Variants in KIR3DL3 observed in about 807,000 individuals in gnomAD.
KIR3DL3 encodes the protein killer cell immunoglobulin like receptor, three Ig domains and long cytoplasmic tail 3.
Under a neutral mutation model 34.9 loss-of-function variants are expected in KIR3DL3, and 27 were observed. The observed-to-expected ratio is 0.77, with a 90% CI of 0.57 to 1.07. The LOEUF is 1.07. KIR3DL3 is among the 50% of genes least tolerant of loss of function. The pLI, the probability that KIR3DL3 is intolerant of heterozygous loss-of-function variation, is 0.00. For synonymous variants in KIR3DL3, 217 were observed against 200.2 expected (o/e 1.08, Z -0.71); for missense variants, 681 against 528.5 (o/e 1.29, Z -2.83).
chr19:54,729,280 A>T lies in KIR3DL3; in HGVS notation c.656-213A>T, dbSNP rs1259440470. On this transcript the variant is annotated intron_variant, in intron 4 of 7. Transcript: ENST00000291860. Reference sequence around the variant, plus strand: ...AGAATAAAATGGTACAAAAAAAGAAAACATAGCTAGGGATGGAGAAGTGAG... The same window carrying T: ...AGAATAAAATGGTACAAAAAAAGAATACATAGCTAGGGATGGAGAAGTGAG... Among the ~76,000 whole-genome samples, 14 of 152,176 alleles carry T rather than the reference A, an allele frequency of 9.2e-5. No individual in the cohort carries two copies. In the East Asian group the frequency reaches 2.7e-3, roughly 29 times the overall value.
chr19:54,725,967 G>C, intron 2 of KIR3DL3, 86 bp from the exon 3 acceptor site: 17 of 1,284,662 alleles, frequency 1.3e-5, no homozygotes, highest in Non-Finnish European at 1.7e-5. Context: ...CCTTAGAAAC[G>C]TGGAAATGGG....
At chr19:54,727,195 G>C (rs1179816551) in intron 3 of KIR3DL3, among the ~76,000 whole-genome samples, 2 of 118,278 alleles carry the variant, frequency 1.7e-5, no homozygotes, top group Non-Finnish European at 3.6e-5. Flanking sequence ...ATCAGGAACA[G>C]GGACACTGAT....
chr19:54,727,604 T>C lies in KIR3DL3; in HGVS notation c.356-7T>C. On this transcript the variant is annotated splice_region_variant and splice_polypyrimidine_tract_variant and intron_variant, in intron 3 of 7. Transcript: ENST00000291860. Reference sequence around the variant, plus strand: ...ACGCCTTCTGAACTCACAACCTCTCTTCTTAGGAGTCCACAGAAAACCTTC... The same window carrying C: ...ACGCCTTCTGAACTCACAACCTCTCCTCTTAGGAGTCCACAGAAAACCTTC... The C allele has an allele frequency of 6.2e-7, 1 of 1,608,794 alleles. No homozygotes were observed. Among genetic ancestry groups the C allele is most frequent in the South Asian group, 1.1e-5 (1 of 90,684 alleles).
In KIR3DL3 at chr19:54,726,049, C is replaced by T; in HGVS notation, c.71-4C>T. The T allele has an allele frequency of 1.2e-6, 2 of 1,603,526 alleles. No homozygotes were observed. The highest frequency in any genetic ancestry group is 3.3e-5 in the Admixed American group (2 of 59,756). On this transcript the variant is annotated splice_region_variant and splice_polypyrimidine_tract_variant and intron_variant, in intron 2 of 7. Coordinates refer to ENST00000291860, the MANE Select transcript of KIR3DL3 (RefSeq NM_153443.5). Reference sequence around the variant, plus strand: ...CTCTAAGGTGGTGCCTCCTTCTCCCCCAGGTGGTCAGGACAAGCCCTTCCT... The same window carrying T: ...CTCTAAGGTGGTGCCTCCTTCTCCCTCAGGTGGTCAGGACAAGCCCTTCCT...
chr19:54,729,553 A>G lies in KIR3DL3; in HGVS notation c.716A>G (p.Asn239Ser). Residue 239 changes from asparagine (N) to serine (S), a missense_variant, in exon 5 of 8, where the codon AAT becomes AGT. Coordinates refer to ENST00000291860, the MANE Select transcript of KIR3DL3 (RefSeq NM_153443.5). ...QPGPTVQAGENVTLSCSSRSL... is the reference protein window; with the variant it reads ...QPGPTVQAGESVTLSCSSRSL... ...GGCCCCACGGTTCAGGCAGGAGAGA[A>G]TGTGACCTTGTCCTGCAGCTCCCGG... The G allele has an allele frequency of 3.1e-6, 5 of 1,606,900 alleles. No individual in the cohort carries two copies. The highest frequency in any genetic ancestry group is 4.2e-6 in the Non-Finnish European group (5 of 1,178,262).
In KIR3DL3 at chr19:54,736,147, T is replaced by A. The variant is rs676354; in HGVS notation, c.*51T>A. On this transcript the variant is annotated 3_prime_UTR_variant, in exon 8 of 8. Transcript: ENST00000291860. The stretch of plus-strand genomic sequence containing the variant: ...AGATCCAAAGTTGTCTTCTGTCCAC[T>A]AGCACCACAGTCAGGCCTTGATGGG... 6.4e-7 allele frequency: 1 copy of A among 1,557,470 alleles called. No homozygotes were observed. Among genetic ancestry groups the A allele is most frequent in the Non-Finnish European group, 8.7e-7 (1 of 1,150,308 alleles).
At chr19:54,730,588 A>T (rs2068693805) in intron 5 of KIR3DL3, among the ~76,000 whole-genome samples, 1 of 151,702 alleles carries the variant, frequency 6.6e-6, no homozygotes, top group Non-Finnish European at 1.5e-5. Flanking sequence ...TTAATTAATT[A>T]ATTAATTAGT....
At chr19:54,733,471 G>A (rs1477894085) in intron 5 of KIR3DL3, among the ~76,000 whole-genome samples, 1 of 152,178 alleles carries the variant, frequency 6.6e-6, no homozygotes, top group Non-Finnish European at 1.5e-5. Context: ...GGCAGAGGTT[G>A]AACTGAGATC....
At chr19:54,729,407 G>A in intron 4 of KIR3DL3, 86 bp from the exon 5 acceptor site, 2 of 1,280,980 alleles carry the variant, frequency 1.6e-6, no homozygotes, top group Non-Finnish European at 2.2e-6. Context: ...AAGTCATAGA[G>A]CAGGGGAGTG....
chr19:54,729,166 T>C (rs900704746), intron 4 of KIR3DL3, among the ~76,000 whole-genome samples: 4 of 148,718 alleles, frequency 2.7e-5, no homozygotes, highest in African/African-American at 7.4e-5. Context: ...GATAGAAATA[T>C]GCAGAAAGTT....
chr19:54,726,487 G>A, intron 3 of KIR3DL3, 150 bp downstream of exon 3: 1 of 1,089,192 alleles, frequency 9.2e-7, no homozygotes, highest in Non-Finnish European at 1.3e-6. Flanking sequence ...TGCTGTGGTG[G>A]GAAGAATAAT....
intron 5 of KIR3DL3, 105 bp from the exon 6 acceptor site, chr19:54,735,148 T>G (rs546013580): frequency 6.7e-5 from 62 of 923,270 alleles, no homozygotes; most frequent in Admixed American, 6.4e-4. Context: ...GTGCTTGTCC[T>G]AAAGAGACGT....
intron 3 of KIR3DL3, 67 bp downstream of exon 3, chr19:54,726,404 C>T (rs270789): frequency 0.57 from 869,229 of 1,537,894 alleles, 249,651 homozygotes; most frequent in Non-Finnish European, 0.58. Flanking sequence ...CTGGTGGGGG[C>T]GTCCATCAGG....
At chr19:54,732,345 G>T (rs2068906917) in intron 5 of KIR3DL3, among the ~76,000 whole-genome samples, 1 of 151,572 alleles carries the variant, frequency 6.6e-6, no homozygotes, top group African/African-American at 2.4e-5. Flanking sequence ...CTGCCTCCTG[G>T]GTTCATGCAA....
rs953958699 is a variant in KIR3DL3 at position 54,736,152 on chromosome 19, CCACA to C, written c.*57_*60del. ...CAAAGTTGTCTTCTGTCCACTAGCA[CCACA>C]GTCAGGCCTTGATGGGATCTTCTAG... On this transcript the variant is annotated 3_prime_UTR_variant, in exon 8 of 8. Coordinates refer to ENST00000291860, the MANE Select transcript of KIR3DL3 (RefSeq NM_153443.5). 6.3e-7 allele frequency: 1 copy of C among 1,598,138 alleles called. No individual in the cohort carries two copies. Among genetic ancestry groups the C allele is most frequent in the African/African-American group, 1.4e-5 (1 of 71,386 alleles).
intron 5 of KIR3DL3, among the ~76,000 whole-genome samples, 175 bp from the exon 6 acceptor site, chr19:54,735,078 C>G (rs2069326127): frequency 1.3e-5 from 2 of 148,330 alleles, no homozygotes; most frequent in Admixed American, 1.4e-4. Flanking sequence ...GTATCCTCAG[C>G]ACGTTCTATG....
rs1422141443 is a variant in KIR3DL3, at chr19:54,736,279, C to T, written c.*183C>T. 3 of 786,382 alleles carry T rather than the reference C, an allele frequency of 3.8e-6. No individual in the cohort carries two copies. Among genetic ancestry groups the T allele is most frequent in the Admixed American group, 4.3e-5 (2 of 46,998 alleles). 48.7% of individuals were successfully genotyped at this position (786,382 alleles called of 1,614,324 possible). A position where few individuals can be genotyped will look rare whatever the true frequency, so the allele number is the denominator to read the frequency against. On this transcript the variant is annotated 3_prime_UTR_variant, in exon 8 of 8. Coordinates refer to ENST00000291860, the MANE Select transcript of KIR3DL3 (RefSeq NM_153443.5). ...GTCTGCATCTTAGGGCATCGCTCTT[C>T]CTCACACCACGAATCTGAACATGCC...
intron 4 of KIR3DL3, among the ~76,000 whole-genome samples, chr19:54,728,876 A>T (rs2068482216): frequency 6.7e-6 from 1 of 150,036 alleles, no homozygotes; most frequent in African/African-American, 2.4e-5. Flanking sequence ...GAAAGATAAA[A>T]GGTAGATGAT....
At chr19:54,735,147 C>A in intron 5 of KIR3DL3, 106 bp from the exon 6 acceptor site, 1 of 916,188 alleles carries the variant, frequency 1.1e-6, no homozygotes, top group Non-Finnish European at 1.8e-6. Flanking sequence ...GGTGCTTGTC[C>A]TAAAGAGACG....
Sources: allele counts gnomAD v4.1 joint callset (sites outside exome capture counted in the v4.1 genomes callset), GRCh38; gene constraint gnomAD v4.1.1; transcripts MANE v1.5; gene names NCBI Gene and HGNC (gene_info 2026-07-23, HGNC 2026-07-21).